ADIPOR2: variants seen among roughly 807,000 people sequenced by gnomAD.
ADIPOR2 encodes adiponectin receptor protein 2.
A neutral mutation model predicts 40.9 loss-of-function variants in ADIPOR2; 18 were observed. That is an observed-to-expected ratio of 0.44 (90% CI 0.30 to 0.65). ADIPOR2 has a LOEUF of 0.65. Ranked by LOEUF, ADIPOR2 falls within the 30% of genes least tolerant of loss-of-function variation. The pLI, the probability that ADIPOR2 is intolerant of heterozygous loss-of-function variation, is 0.09. For missense variants in ADIPOR2, 283 were observed against 479.2 expected (o/e 0.59, Z 3.82); for synonymous variants, 165 against 166.4 (o/e 0.99, Z 0.06).
chr12:1,756,734 A>C (rs551012517), intron 2 of ADIPOR2, among the ~76,000 whole-genome samples: 11 of 152,236 alleles, frequency 7.2e-5, no homozygotes, highest in African/African-American at 2.4e-4. Flanking sequence ...AGGTGTTAGA[A>C]TATAGATGAG....
chr12:1,743,077 T>C (rs1021653479), intron 1 of ADIPOR2, among the ~76,000 whole-genome samples: 3 of 151,898 alleles, frequency 2.0e-5, no homozygotes, highest in Admixed American at 2.0e-4. Context: ...CATTCAAAAT[T>C]TTCCTTGTGT....
intron 1 of ADIPOR2, among the ~76,000 whole-genome samples, chr12:1,710,236 C>G (rs1048402225): frequency 6.6e-6 from 1 of 152,332 alleles, no homozygotes; most frequent in South Asian, 2.1e-4. Context: ...CAGCCATCAG[C>G]TGCAACCCAG....
intron 1 of ADIPOR2, chr12:1,730,841 T>C (rs145517699): frequency 2.6e-5 from 4 of 151,886 alleles, no homozygotes; most frequent in Non-Finnish European, 5.9e-5. Context: ...TAGTTAAAAG[T>C]TTGGAAGAGA....
At chr12:1,780,313 G>A (rs753664534) in intron 4 of ADIPOR2, 138 bp from the exon 5 acceptor site, 131 of 942,640 alleles carry the variant, frequency 1.4e-4, no homozygotes, top group Non-Finnish European at 1.9e-4. Context: ...ATAGGCTTCA[G>A]TTATTTGGAA....
chr12:1,712,194 A>C (rs1000241415), intron 1 of ADIPOR2, among the ~76,000 whole-genome samples: 1 of 152,112 alleles, frequency 6.6e-6, no homozygotes, highest in Admixed American at 6.5e-5. Flanking sequence ...TGGGTGGCAT[A>C]AGTCTGGACT....
At chr12:1,772,588 C>A in intron 2 of ADIPOR2, 1 of 301,018 alleles carries the variant, frequency 3.3e-6, no homozygotes. Context: ...ACCAGTAAAG[C>A]CAGGAATTTG....
chr12:1,719,627 A>C (rs1445180596), intron 1 of ADIPOR2, among the ~76,000 whole-genome samples: 2 of 151,784 alleles, frequency 1.3e-5, no homozygotes, highest in Non-Finnish European at 2.9e-5. Context: ...CACTCAGAGC[A>C]TGTTAGCTGC....
intron 1 of ADIPOR2, among the ~76,000 whole-genome samples, chr12:1,713,404 G>C (rs1028064204): frequency 2.6e-5 from 4 of 151,872 alleles, no homozygotes; most frequent in African/African-American, 9.7e-5. Flanking sequence ...TTTCTTACTA[G>C]GCCTTGAGCT....
intron 1 of ADIPOR2, among the ~76,000 whole-genome samples, chr12:1,745,321 T>A (rs2094752643): frequency 1.3e-5 from 2 of 152,252 alleles, no homozygotes; most frequent in Non-Finnish European, 2.9e-5. Flanking sequence ...CCACATGCTC[T>A]TGTTGCCACT....
At position 1,749,062 on chromosome 12, in the gene ADIPOR2, C is replaced by T. The variant is rs533174063; in HGVS notation, c.-86-5196C>T. Among the ~76,000 whole-genome samples the T allele has an allele frequency of 6.6e-5, 10 of 152,232 alleles. No homozygotes were observed. The East Asian group carries it at 7.7e-4, about 12-fold the overall frequency. ...TGGGTTCATTAATTTGCTGGACTGG[C>T]GCACAGAACTCAGGGAAACACTTAT... is the stretch of plus-strand genomic sequence containing the variant. On this transcript the variant is annotated intron_variant, in intron 1 of 7. Coordinates refer to ENST00000357103, the MANE Select transcript of ADIPOR2 (RefSeq NM_024551.3).
intron 2 of ADIPOR2, among the ~76,000 whole-genome samples, chr12:1,772,174 C>T (rs1331636208): frequency 2.0e-5 from 3 of 152,168 alleles, no homozygotes; most frequent in Non-Finnish European, 4.4e-5. Flanking sequence ...TTTTCCATTT[C>T]TCTAGACAAA....
In ADIPOR2 at chr12:1,706,169, G is replaced by A. The variant is rs551318681; in HGVS notation, c.-87+14978G>A. ...CATTTGTTGCTTCTCTGTTTTGTAC[G>A]TTGTGTAACCTTAGGGAGATTATCC... On this transcript the variant is annotated intron_variant, in intron 1 of 7. Transcript: ENST00000357103. Among the ~76,000 whole-genome samples the A allele has an allele frequency of 2.8e-5, 4 of 144,544 alleles. No homozygotes were observed. The South Asian group carries it at 7.0e-4, about 25-fold the overall frequency. 94.8% of individuals were successfully genotyped at this position (144,544 alleles called of 152,430 possible).
intron 2 of ADIPOR2, among the ~76,000 whole-genome samples, chr12:1,772,524 C>G (rs760305974): frequency 2.6e-5 from 4 of 152,028 alleles, no homozygotes; most frequent in Admixed American, 6.5e-5. Context: ...TTAGTAATTT[C>G]TCAACTTTAT....
At position 1,787,286 on chromosome 12, in the gene ADIPOR2, A is replaced by C. The variant is rs1274034962; in HGVS notation, c.*1214A>C. 1 of 152,236 alleles carries C rather than the reference A, an allele frequency of 6.6e-6. No individual in the cohort carries two copies. Among genetic ancestry groups the C allele is most frequent in the Non-Finnish European group, 1.5e-5 (1 of 68,046 alleles). The allele number at this position is 152,236 out of a possible 1,614,324, so 9.4% of individuals were successfully genotyped here. A position where few individuals can be genotyped will look rare whatever the true frequency, so the allele number is the denominator to read the frequency against. On this transcript the variant is annotated 3_prime_UTR_variant, in exon 8 of 8. Coordinates refer to ENST00000357103, the MANE Select transcript of ADIPOR2 (RefSeq NM_024551.3). ...GATTGGTAGACCCTTCCTTTGGATT[A>C]GGAAAGATGAGTTTTACCTCTGGTA...
chr12:1,695,712 C>T (rs2094637292), intron 1 of ADIPOR2: 1 of 151,014 alleles, frequency 6.6e-6, no homozygotes, highest in Admixed American at 6.6e-5. Context: ...CAGTCATTCA[C>T]CTTTTTTGGT....
intron 1 of ADIPOR2, among the ~76,000 whole-genome samples, chr12:1,698,593 A>C (rs377371078): frequency 1.3e-5 from 2 of 152,114 alleles, no homozygotes; most frequent in East Asian, 3.8e-4. Flanking sequence ...TCTTTTTAGT[A>C]GTTCTCTAGT....
At chr12:1,737,040 C>T (rs2094732411) in intron 1 of ADIPOR2, among the ~76,000 whole-genome samples, 1 of 152,166 alleles carries the variant, frequency 6.6e-6, no homozygotes, top group Admixed American at 6.6e-5. Context: ...CTTCCACTTA[C>T]CAGCCATGAG....
intron 6 of ADIPOR2, among the ~76,000 whole-genome samples, chr12:1,782,976 C>CTTTTTTTTTTTT (rs71055199): frequency 7.1e-4 from 78 of 109,746 alleles, no homozygotes; most frequent in Non-Finnish European, 1.1e-3. Context: ...TTCTTTCTTT[C>CTTTTTTTTTTTT]TTTTTTTTTT....
chr12:1,788,030 G>A lies in ADIPOR2; in HGVS notation c.*1958G>A, dbSNP rs1862874497. 6.5e-6 allele frequency: 1 copy of A among 152,742 alleles called. No individual in the cohort carries two copies. Among genetic ancestry groups the A allele is most frequent in the Non-Finnish European group, 1.5e-5 (1 of 68,134 alleles). 9.5% of individuals were successfully genotyped at this position (152,742 alleles called of 1,614,324 possible). On this transcript the variant is annotated 3_prime_UTR_variant, in exon 8 of 8. Coordinates refer to ENST00000357103, the MANE Select transcript of ADIPOR2 (RefSeq NM_024551.3). ...GGCCATTTGGACAGAAGCCCACTTA[G>A]TTTCTTGGGAGCAACAGCACGTATC...
Sources: gnomAD v4.1 joint callset for allele counts (sites outside exome capture counted in the v4.1 genomes callset) on GRCh38, gnomAD v4.1.1 for gene constraint, MANE v1.5 for transcripts, NCBI Gene and HGNC (gene_info 2026-07-23, HGNC 2026-07-21) for gene names.